Variants in SNX24 observed in about 807,000 individuals in gnomAD.
SNX24 encodes the protein sorting nexin-24.
A neutral mutation model predicts 28.7 loss-of-function variants in SNX24; 22 were observed. The observed-to-expected ratio is 0.77, with a 90% CI of 0.55 to 1.10. The LOEUF is 1.10. SNX24 is among the 50% of genes least tolerant of loss of function. The pLI, the probability that SNX24 is intolerant of heterozygous loss-of-function variation, is 0.00. For missense variants in SNX24, 221 were observed against 201.1 expected, an observed-to-expected ratio of 1.10 and a Z score of -0.60; for synonymous variants, 69 against 71.5, an observed-to-expected ratio of 0.96 and a Z score of 0.18.
intron 1 of SNX24, among the ~76,000 whole-genome samples, chr5:122,893,790 T>C (rs1275184463): frequency 6.6e-6 from 1 of 152,206 alleles, no homozygotes; most frequent in African/African-American, 2.4e-5. Flanking sequence ...ACGCCTGTAA[T>C]CCCAGCACTT....
intron 4 of SNX24, 97 bp from the exon 5 acceptor site, chr5:123,001,308 G>T: frequency 1.3e-6 from 1 of 778,590 alleles, no homozygotes; most frequent in South Asian, 1.5e-5. Flanking sequence ...TACCAATTCA[G>T]TCATCTAATA....
At chr5:122,917,300 C>G (rs1257263484) in intron 1 of SNX24, among the ~76,000 whole-genome samples, 1 of 151,846 alleles carries the variant, frequency 6.6e-6, no homozygotes, top group Non-Finnish European at 1.5e-5. Context: ...TCCTCAACAT[C>G]TCTCCTTGCT....
Position 123,008,559 on chromosome 5 carries a change from A to AT in SNX24, c.*810_*811insT, listed in dbSNP as rs1174829011. On this transcript the variant is annotated 3_prime_UTR_variant, in exon 7 of 7. Coordinates refer to ENST00000261369, the MANE Select transcript of SNX24 (RefSeq NM_014035.4). Reference sequence around the variant, plus strand: ...GTTTGTTTAGGGGCCATTTTGTTAAAAAAAAAAAAAAAAAAGCACATAACT... The same window carrying AT: ...GTTTGTTTAGGGGCCATTTTGTTAAATAAAAAAAAAAAAAAAGCACATAACT... 1 of 152,228 alleles carries AT rather than the reference A, an allele frequency of 6.6e-6. No individual in the cohort carries two copies. Among genetic ancestry groups the AT allele is most frequent in the Non-Finnish European group, 1.4e-5 (1 of 69,312 alleles). The allele number at this position is 152,228 out of a possible 1,614,324, so 9.4% of individuals were successfully genotyped here. A position where few individuals can be genotyped will look rare whatever the true frequency, so the allele number is the denominator to read the frequency against.
intron 3 of SNX24, among the ~76,000 whole-genome samples, chr5:122,972,988 A>G (rs1344605660): frequency 2.0e-5 from 3 of 152,174 alleles, no homozygotes; most frequent in Non-Finnish European, 2.9e-5. Flanking sequence ...CACTTTGTTC[A>G]TGGGCCCATT....
At chr5:122,958,723 A>ATT (rs35641261) in intron 3 of SNX24, among the ~76,000 whole-genome samples, 16,996 of 151,102 alleles carry the variant, frequency 0.11, 1,361 homozygotes, top group East Asian at 0.36. Flanking sequence ...TAATTTTTAA[A>ATT]TTTTTTTTGT....
chr5:122,936,947 A>G (rs904231193), intron 2 of SNX24, 130 bp downstream of exon 2: 8 of 470,074 alleles, frequency 1.7e-5, no homozygotes, highest in African/African-American at 6.0e-5. Flanking sequence ...TTTTATCATA[A>G]AGTAAATTTC....
At chr5:122,912,273 T>G (rs1757924789) in intron 1 of SNX24, among the ~76,000 whole-genome samples, 1 of 139,360 alleles carries the variant, frequency 7.2e-6, no homozygotes, top group African/African-American at 2.8e-5. Context: ...TCTCTGTTTG[T>G]CTGTTATTGG....
chr5:122,933,072 T>C (rs1342714270), intron 1 of SNX24, among the ~76,000 whole-genome samples: 1 of 152,184 alleles, frequency 6.6e-6, no homozygotes, highest in African/African-American at 2.4e-5. Context: ...AAAAATATTC[T>C]TGAGCTTTGT....
intron 2 of SNX24, among the ~76,000 whole-genome samples, chr5:122,940,682 C>A (rs1048145138): frequency 6.6e-6 from 1 of 152,184 alleles, no homozygotes. Context: ...AACGATTCTT[C>A]TTCCCCAGCC....
chr5:122,884,218 G>T (rs1756597742), intron 1 of SNX24, among the ~76,000 whole-genome samples: 1 of 144,266 alleles, frequency 6.9e-6, no homozygotes, highest in African/African-American at 2.6e-5. Context: ...ACTTATTGCT[G>T]CCTTGAATAA....
At chr5:122,980,249 C>T (rs1378884449) in intron 3 of SNX24, among the ~76,000 whole-genome samples, 2 of 152,102 alleles carry the variant, frequency 1.3e-5, no homozygotes, top group African/African-American at 4.8e-5. Context: ...GCTGTTTGCC[C>T]ATAATAGCAG....
intron 6 of SNX24, 178 bp downstream of exon 6, chr5:123,002,182 G>A: frequency 3.4e-6 from 2 of 590,254 alleles, no homozygotes; most frequent in Non-Finnish European, 6.1e-6. Context: ...TGGCCTTTCA[G>A]GAGGAAATGT....
chr5:122,882,527 C>T (rs1756527854), intron 1 of SNX24, among the ~76,000 whole-genome samples: 1 of 152,226 alleles, frequency 6.6e-6, no homozygotes, highest in African/African-American at 2.4e-5. Context: ...TGGCACAGCA[C>T]AGAGCTCCTG....
chr5:122,866,595 G>A (rs1415798559), intron 1 of SNX24, among the ~76,000 whole-genome samples: 2 of 152,138 alleles, frequency 1.3e-5, no homozygotes, highest in Non-Finnish European at 2.9e-5. Context: ...TGCCTGAATT[G>A]GGTTGCTGCA....
In SNX24 at chr5:122,857,633, G is replaced by A. The variant is rs192366149; in HGVS notation, c.60+11940G>A. 1.6e-4 allele frequency among the ~76,000 whole-genome samples: 25 copies of A among 151,978 alleles called. No homozygotes were observed. In the East Asian group the frequency reaches 2.3e-3, roughly 14 times the overall value. On this transcript the variant is annotated intron_variant, in intron 1 of 6. Coordinates refer to ENST00000261369, the MANE Select transcript of SNX24 (RefSeq NM_014035.4). Reference sequence around the variant, plus strand: ...TGTCCATGTCTTCTCATCATTTAGCGCCCACTTATAAGTGAGAACATGTGG... The same window carrying A: ...TGTCCATGTCTTCTCATCATTTAGCACCCACTTATAAGTGAGAACATGTGG...
intron 1 of SNX24, among the ~76,000 whole-genome samples, chr5:122,850,339 T>C (rs1324991757): frequency 6.6e-6 from 1 of 152,192 alleles, no homozygotes; most frequent in Non-Finnish European, 1.5e-5. Context: ...AGGTTACTAA[T>C]CCCAGTTATG....
chr5:122,959,868 C>T (rs189428095), intron 3 of SNX24, among the ~76,000 whole-genome samples: 30 of 152,180 alleles, frequency 2.0e-4, no homozygotes, highest in African/African-American at 5.5e-4. Flanking sequence ...AGGAAAACAG[C>T]TCACTCTACA....
intron 1 of SNX24, among the ~76,000 whole-genome samples, chr5:122,922,472 C>G (rs535707502): frequency 6.6e-6 from 1 of 151,946 alleles, no homozygotes; most frequent in Admixed American, 6.6e-5. Flanking sequence ...ACGCTGGTCT[C>G]GAACTCCTGA....
At chr5:122,893,616 CATA>C (rs1214150761) in intron 1 of SNX24, among the ~76,000 whole-genome samples, 1 of 152,124 alleles carries the variant, frequency 6.6e-6, no homozygotes, top group African/African-American at 2.4e-5. Flanking sequence ...TTCCCTCATG[CATA>C]ATAATTCTAG....
Sources: allele counts gnomAD v4.1 joint callset (sites outside exome capture counted in the v4.1 genomes callset), GRCh38; gene constraint gnomAD v4.1.1; transcripts MANE v1.5; gene names NCBI Gene and HGNC (gene_info 2026-07-23, HGNC 2026-07-21).